PCSK5: variants seen among roughly 807,000 people sequenced by gnomAD.
PCSK5 encodes proprotein convertase subtilisin/kexin type 5, also known as prohormone convertase 5.
In PCSK5, 129 loss-of-function variants were observed where a neutral mutation model predicts 233.2. That is an observed-to-expected ratio of 0.55 (90% CI 0.48 to 0.64). PCSK5 has a LOEUF of 0.64. Among genes scored for constraint, PCSK5 ranks in the 30% least tolerant of loss-of-function variants. The pLI is 0.00. For missense variants in PCSK5, 2,076 were observed against 2,430.1 expected (o/e 0.85, Z 3.06); for synonymous variants, 825 against 879.2 (o/e 0.94, Z 1.09).
At chr9:76,128,234 C>T (rs539073898) in intron 9 of PCSK5, among the ~76,000 whole-genome samples, 2 of 152,188 alleles carry the variant, frequency 1.3e-5, no homozygotes, top group South Asian at 2.1e-4. Context: ...CTACTCTGAA[C>T]AGTTTTCAAG....
chr9:76,193,440 AAGC>A, intron 20 of PCSK5: 1 of 1,048,916 alleles, frequency 9.5e-7, no homozygotes, highest in Non-Finnish European at 1.3e-6. Flanking sequence ...AAAAAAAAAA[AAGC>A]AAGCCACCTC....
intron 12 of PCSK5, among the ~76,000 whole-genome samples, chr9:76,159,844 G>A (rs1297384248): frequency 1.6e-5 from 2 of 124,200 alleles, no homozygotes. Flanking sequence ...TTTTTTGAGA[G>A]ACGGAGTCTC....
chr9:76,312,456 C>T (rs1314174559), intron 30 of PCSK5, among the ~76,000 whole-genome samples: 1 of 150,348 alleles, frequency 6.7e-6, no homozygotes, highest in Non-Finnish European at 1.5e-5. Flanking sequence ...TTGTGGTGAG[C>T]TAAGATCACA....
At chr9:75,964,188 G>A (rs937701992) in intron 2 of PCSK5, among the ~76,000 whole-genome samples, 19 of 152,134 alleles carry the variant, frequency 1.2e-4, no homozygotes, top group Non-Finnish European at 7.3e-5. Context: ...GCTCAATTGT[G>A]TATATGGGTT....
At chr9:76,096,920 T>C (rs1831540026) in intron 8 of PCSK5, among the ~76,000 whole-genome samples, 1 of 151,252 alleles carries the variant, frequency 6.6e-6, no homozygotes, top group Non-Finnish European at 1.5e-5. Flanking sequence ...CATTTCTTTA[T>C]TTTTATTTTT....
In PCSK5 at chr9:76,338,364, A is replaced by G. The variant is rs1829736537; in HGVS notation, c.4883A>G (p.His1628Arg). 1 of 1,612,462 alleles carries G rather than the reference A, an allele frequency of 6.2e-7. No individual in the cohort carries two copies. Among genetic ancestry groups the G allele is most frequent in the African/African-American group, 1.3e-5 (1 of 74,934 alleles). Residue 1628 changes from histidine to arginine, a missense_variant, in exon 35 of 38, where the codon CAT becomes CGT. By Grantham distance (29) the His-to-Arg change is conservative. This residue lies in a region of PCSK5 where 1,510 missense variants were observed against 1,538.1 expected (regional missense o/e 0.98). Coordinates refer to ENST00000674117, the MANE Select transcript of PCSK5 (RefSeq NM_001372043.1). ...FFLLRSKGEC[H>R]RSCPDHYYVE... ...CTGCTCCGCTCCAAAGGAGAGTGTC[A>G]TCGCTCCTGCCCAGACCATTACTAT... is the stretch of plus-strand genomic sequence containing the variant.
At chr9:76,287,366 C>T (rs1828110950) in intron 24 of PCSK5, 3 of 201,128 alleles carry the variant, frequency 1.5e-5, no homozygotes, top group Non-Finnish European at 3.5e-5. Flanking sequence ...AGCAGGCCAA[C>T]TGGCTGTCTT....
chr9:75,983,025 AT>A (rs1164266905), intron 2 of PCSK5, among the ~76,000 whole-genome samples: 2 of 151,696 alleles, frequency 1.3e-5, no homozygotes, highest in African/African-American at 4.8e-5. Context: ...TTATGAAGTA[AT>A]TTTTTTCCCT....
chr9:75,961,547 A>G (rs1310105811), intron 2 of PCSK5, among the ~76,000 whole-genome samples: 2 of 152,174 alleles, frequency 1.3e-5, no homozygotes, highest in Non-Finnish European at 2.9e-5. Flanking sequence ...TTAAATTCAA[A>G]TTTTACAACT....
rs368319746 is a variant in PCSK5, at chr9:75,932,503, T to C, written c.297+20T>C. 5 of 1,429,646 alleles carry C rather than the reference T, an allele frequency of 3.5e-6. No homozygotes were observed. In the African/African-American group the frequency reaches 7.0e-5, roughly 20 times the overall value. 88.6% of individuals were successfully genotyped at this position (1,429,646 alleles called of 1,614,324 possible). A position where few individuals can be genotyped will look rare whatever the true frequency, so the allele number is the denominator to read the frequency against. On this transcript the variant is annotated intron_variant, in intron 2 of 37. Coordinates refer to ENST00000674117, the MANE Select transcript of PCSK5 (RefSeq NM_001372043.1). ...CCAAAGGTAAGAAGAACCAGTTGCG[T>C]GGGGACCAAGAGGCAAAGCTTCTGC... is the stretch of plus-strand genomic sequence containing the variant.
At chr9:76,020,427 A>G (rs1448129284) in intron 3 of PCSK5, among the ~76,000 whole-genome samples, 2 of 152,194 alleles carry the variant, frequency 1.3e-5, no homozygotes, top group Non-Finnish European at 2.9e-5. Flanking sequence ...GAAGATCCAC[A>G]TTCAGGATTC....
intron 24 of PCSK5, among the ~76,000 whole-genome samples, chr9:76,243,145 A>G (rs545836314): frequency 3.0e-4 from 46 of 152,358 alleles, no homozygotes; most frequent in Non-Finnish European, 4.9e-4. Flanking sequence ...CTCAAAATCC[A>G]AAAGACTCAC....
Position 76,321,562 on chromosome 9 carries a change from G to A in PCSK5, c.4025G>A (p.Arg1342Lys), listed in dbSNP as rs1829204751. Residue 1342 changes from arginine to lysine, a missense_variant, in exon 31 of 38, where the codon AGG (arginine) becomes AAG (lysine). This residue lies in a region of PCSK5 where 1,510 missense variants were observed against 1,538.1 expected (regional missense o/e 0.98). Transcript: ENST00000674117. ...HGVCQENCPE[R>K]HVAVKGVCKH... ...GTGTGCCAGGAAAACTGCCCCGAGA[G>A]GCACGTGGCTGTGAAGGGGGTATGC... 1 of 1,612,690 alleles carries A rather than the reference G, an allele frequency of 6.2e-7. No individual in the cohort carries two copies. The highest frequency in any genetic ancestry group is 8.5e-7 in the Non-Finnish European group (1 of 1,179,724).
At chr9:76,162,717 G>A (rs1373854622) in intron 12 of PCSK5, among the ~76,000 whole-genome samples, 2 of 152,160 alleles carry the variant, frequency 1.3e-5, no homozygotes, top group African/African-American at 4.8e-5. Context: ...ATTCTGAAAA[G>A]TTTAAAACAA....
At chr9:75,891,710 T>G (rs1825612839) in intron 1 of PCSK5, among the ~76,000 whole-genome samples, 1 of 150,780 alleles carries the variant, frequency 6.6e-6, no homozygotes, top group Non-Finnish European at 1.5e-5. Context: ...GTAGCACTAG[T>G]AATCTGAGGC....
intron 24 of PCSK5, among the ~76,000 whole-genome samples, chr9:76,275,223 A>G (rs1827652625): frequency 6.6e-6 from 1 of 152,174 alleles, no homozygotes; most frequent in South Asian, 2.1e-4. Context: ...TGAGACCAAG[A>G]TAATTTTTTC....
At chr9:76,242,591 C>A (rs1826465210) in intron 24 of PCSK5, among the ~76,000 whole-genome samples, 1 of 152,162 alleles carries the variant, frequency 6.6e-6, no homozygotes, top group African/African-American at 2.4e-5. Flanking sequence ...AAACTATAAG[C>A]AAATTCCAGT....
chr9:76,137,250 T>A (rs980362471), intron 10 of PCSK5, among the ~76,000 whole-genome samples: 4 of 152,026 alleles, frequency 2.6e-5, no homozygotes, highest in African/African-American at 9.7e-5. Flanking sequence ...TCTCTGAGAG[T>A]GGGGTTACCC....
chr9:76,346,376 A>C (rs1829981820), intron 35 of PCSK5, among the ~76,000 whole-genome samples: 1 of 152,128 alleles, frequency 6.6e-6, no homozygotes, highest in Non-Finnish European at 1.5e-5. Flanking sequence ...GGGCATTCCG[A>C]GTCTCAAAAG....
Sources: allele counts gnomAD v4.1 joint callset (sites outside exome capture counted in the v4.1 genomes callset), GRCh38; gene constraint gnomAD v4.1.1; regional missense constraint gnomAD v4.1.1; transcripts MANE v1.5; gene names NCBI Gene and HGNC (gene_info 2026-07-23, HGNC 2026-07-21).